Variants in TENM1 observed in about 807,000 individuals in gnomAD.
TENM1 encodes the protein teneurin-1.
A neutral mutation model predicts 174.8 loss-of-function variants in TENM1; 35 were observed. The observed-to-expected ratio is 0.20, with a 90% CI of 0.15 to 0.27. The LOEUF is 0.27. Ranked by LOEUF, TENM1 falls within the 10% of genes least tolerant of loss-of-function variation. TENM1 has a pLI of 1.00. For synonymous variants in TENM1, 781 were observed against 798.7 expected, an observed-to-expected ratio of 0.98 and a Z score of 0.37; for missense variants, 1,633 against 2,130.1, an observed-to-expected ratio of 0.77 and a Z score of 4.59.
chrX:124,588,086 T>G (rs1214409010), intron 11 of TENM1, among the ~76,000 whole-genome samples: 1 of 111,965 alleles, frequency 8.9e-6, no homozygotes, highest in Non-Finnish European at 1.9e-5. Flanking sequence ...TTTTACACTG[T>G]TGGTGGGACT....
In TENM1 at chrX:124,866,107, C is replaced by A. The variant is rs191114109; in HGVS notation, c.535+28189G>T. Among the ~76,000 whole-genome samples the A allele has an allele frequency of 3.5e-4, 39 of 111,822 alleles. No individual in the cohort carries two copies. The East Asian group carries it at 0.01, about 30-fold the overall frequency. ...TTCAGCATTGGACAGATCTTCCAGA[C>A]AGAAAATCAACAAAGAAACATCAGA... On this transcript the variant is annotated intron_variant, in intron 3 of 31. Transcript: ENST00000422452.
the TENM1 span, among the ~76,000 whole-genome samples, chrX:124,995,921 T>C: frequency 9.0e-6 from 1 of 110,942 alleles, no homozygotes; most frequent in African/African-American, 3.3e-5. Flanking sequence ...TAACCTTTCA[T>C]AGACTAAGTT....
At chrX:125,136,698 C>A in the TENM1 span, among the ~76,000 whole-genome samples, 2 of 111,177 alleles carry the variant, frequency 1.8e-5, no homozygotes, top group Admixed American at 1.9e-4. Context: ...GCAGATTCAA[C>A]CAACCACAGA....
At chrX:124,801,033 G>A (rs1332236228) in intron 3 of TENM1, among the ~76,000 whole-genome samples, 2 of 111,663 alleles carry the variant, frequency 1.8e-5, no homozygotes, top group African/African-American at 3.3e-5. Context: ...GTTGATTTTG[G>A]AATAAGTGCC....
chrX:124,675,880 G>T (rs1265047926), intron 5 of TENM1, among the ~76,000 whole-genome samples: 1 of 109,564 alleles, frequency 9.1e-6, no homozygotes, highest in Non-Finnish European at 1.9e-5. Flanking sequence ...ACCAAGATTA[G>T]AATGAAGTGA....
intron 3 of TENM1, among the ~76,000 whole-genome samples, chrX:124,830,219 T>G (rs1416702330): frequency 8.9e-6 from 1 of 112,175 alleles, no homozygotes; most frequent in African/African-American, 3.2e-5. Context: ...GTCCTCTGCC[T>G]GGCTCCCTGA....
At chrX:124,963,615 G>T (rs1221946723) in exon 1 of TENM1, 1 of 1,209,982 alleles carries the variant, frequency 8.3e-7, no homozygotes, top group Non-Finnish European at 1.1e-6. Flanking sequence ...TTATACTCGT[G>T]CAGGGTCTCC....
At chrX:124,449,560 T>C (rs1007127801) in intron 23 of TENM1, among the ~76,000 whole-genome samples, 2 of 112,089 alleles carry the variant, frequency 1.8e-5, no homozygotes, top group African/African-American at 3.2e-5. Context: ...GTTAAAAATA[T>C]CCCACAAGTG....
At chrX:125,092,377 C>T in the TENM1 span, among the ~76,000 whole-genome samples, 1 of 111,986 alleles carries the variant, frequency 8.9e-6, no homozygotes, top group Non-Finnish European at 1.9e-5. Flanking sequence ...TACTACTTTA[C>T]ACTTCCAGTT....
chrX:124,812,263 A>T (rs1014127370), intron 3 of TENM1, among the ~76,000 whole-genome samples: 6 of 111,421 alleles, frequency 5.4e-5, no homozygotes, highest in African/African-American at 1.9e-4. Context: ...TACATGATAA[A>T]TATAATTTTG....
Position 124,661,589 on chromosome X carries a change from C to T in TENM1, c.1169-7806G>A, listed in dbSNP as rs60604428. Reference sequence around the variant, plus strand: ...TGTCAGTTATCATTATCACATCATTCTTAACTTTGGATGGTGGCAGGATGG... The same window carrying T: ...TGTCAGTTATCATTATCACATCATTTTTAACTTTGGATGGTGGCAGGATGG... On this transcript the variant is annotated intron_variant, in intron 6 of 31. Coordinates refer to ENST00000422452, the Ensembl canonical transcript of TENM1. 2.7e-3 allele frequency among the ~76,000 whole-genome samples: 306 copies of T among 111,819 alleles called. 1 individual carries two copies. The highest frequency in any genetic ancestry group is 9.2e-3 in the African/African-American group (284 of 30,795).
At chrX:124,813,936 A>G (rs1050869667) in intron 3 of TENM1, among the ~76,000 whole-genome samples, 5 of 112,080 alleles carry the variant, frequency 4.5e-5, no homozygotes, top group Middle Eastern at 4.6e-3. Flanking sequence ...TACAAAAAAA[A>G]AGAAGTGTCT....
At chrX:124,556,190 T>C (rs2048688812) in intron 14 of TENM1, among the ~76,000 whole-genome samples, 1 of 110,469 alleles carries the variant, frequency 9.1e-6, no homozygotes, top group Admixed American at 9.7e-5. Context: ...GCAGTGGTTA[T>C]CCCAGCACTT....
chrX:124,924,697 G>A (rs2058068646), intron 1 of TENM1, among the ~76,000 whole-genome samples: 1 of 111,976 alleles, frequency 8.9e-6, no homozygotes, highest in Admixed American at 9.5e-5. Context: ...CCTTTTTGAA[G>A]TGGTTTTGTT....
intron 22 of TENM1, among the ~76,000 whole-genome samples, chrX:124,473,939 A>G (rs1308881261): frequency 9.0e-6 from 1 of 111,298 alleles, no homozygotes; most frequent in Non-Finnish European, 1.9e-5. Flanking sequence ...TGTACAAGGA[A>G]CCAACACTAG....
the TENM1 span, among the ~76,000 whole-genome samples, chrX:125,127,235 A>G: frequency 1.8e-5 from 2 of 111,554 alleles, no homozygotes; most frequent in East Asian, 2.8e-4. Context: ...TGCTGTCTAA[A>G]CAGTTTATCC....
chrX:124,380,754 C>T (rs1398212576), exon 32 of TENM1: 6 of 1,211,224 alleles, frequency 5.0e-6, no homozygotes, highest in Non-Finnish European at 6.7e-6. Flanking sequence ...TGGGCCACTG[C>T]GCGCTGTCTG....
chrX:124,856,332 A>C (rs2147418455), intron 3 of TENM1, among the ~76,000 whole-genome samples: 1 of 111,193 alleles, frequency 9.0e-6, no homozygotes, highest in Non-Finnish European at 1.9e-5. Context: ...GGTCCATTTA[A>C]GTTATATACA....
chrX:124,475,548 T>C (rs1209439543), intron 22 of TENM1, among the ~76,000 whole-genome samples: 2 of 111,759 alleles, frequency 1.8e-5, no homozygotes, highest in African/African-American at 6.5e-5. Context: ...AAACCACCAA[T>C]GGCAGGGTCA....
Sources: gnomAD v4.1 joint callset for allele counts (sites outside exome capture counted in the v4.1 genomes callset) on GRCh38, gnomAD v4.1.1 for gene constraint, MANE v1.5 for transcripts, NCBI Gene and HGNC (gene_info 2026-07-23, HGNC 2026-07-21) for gene names.